Variants in PCDH15 observed in about 807,000 individuals in gnomAD.
PCDH15 encodes the protein protocadherin related 15.
PCDH15 carries 129 observed loss-of-function variants against 178.5 expected under a neutral mutation model. The ratio of observed to expected loss-of-function variants is 0.72; its 90% CI spans 0.63 to 0.84. The LOEUF (loss-of-function observed/expected upper bound fraction) is 0.84. PCDH15 is among the 40% of genes least tolerant of loss of function. The pLI is 0.00. For synonymous variants in PCDH15, 800 were observed against 732.0 expected, an observed-to-expected ratio of 1.09 and a Z score of -1.50; for missense variants, 2,230 against 2,099.9, an observed-to-expected ratio of 1.06 and a Z score of -1.21.
chr10:54,648,691 C>T (rs2094188661), intron 2 of PCDH15, among the ~76,000 whole-genome samples: 1 of 151,992 alleles, frequency 6.6e-6, no homozygotes, highest in Admixed American at 6.6e-5. Context: ...ACCACAAACG[C>T]TAGTTGTTAT....
chr10:54,546,651 A>G (rs913661508), intron 2 of PCDH15, among the ~76,000 whole-genome samples: 43 of 152,296 alleles, frequency 2.8e-4, no homozygotes, highest in African/African-American at 1.0e-3. Flanking sequence ...TAACCTTATC[A>G]CAATATAACG....
At chr10:54,195,560 C>T (rs781409323) in intron 11 of PCDH15, 123 bp downstream of exon 11, 2 of 796,552 alleles carry the variant, frequency 2.5e-6, no homozygotes, top group Admixed American at 2.4e-5. Context: ...AACACTAAAA[C>T]TCACTTACAG....
intron 2 of PCDH15, among the ~76,000 whole-genome samples, chr10:55,463,585 G>A (rs1447223518): frequency 6.6e-6 from 1 of 152,056 alleles, no homozygotes; most frequent in African/African-American, 2.4e-5. Flanking sequence ...CTTGAGTCCA[G>A]TAGGTGCAGG....
intron 21 of PCDH15, among the ~76,000 whole-genome samples, chr10:53,969,793 C>T (rs1053959365): frequency 1.2e-4 from 18 of 152,228 alleles, no homozygotes; most frequent in African/African-American, 3.6e-4. Context: ...AAATCCTTTA[C>T]AGACAAACAA....
chr10:55,173,774 C>A (rs1020231681), intron 1 of PCDH15, among the ~76,000 whole-genome samples: 1 of 152,028 alleles, frequency 6.6e-6, no homozygotes, highest in Non-Finnish European at 1.5e-5. Flanking sequence ...AAAAATGTAT[C>A]ATTTTTCCTT....
intron 13 of PCDH15, among the ~76,000 whole-genome samples, chr10:54,164,985 T>C (rs1429749540): frequency 6.6e-6 from 1 of 152,226 alleles, no homozygotes; most frequent in Non-Finnish European, 1.5e-5. Flanking sequence ...AAACTATCAC[T>C]GGAAATTCAC....
At chr10:54,194,740 C>CTATA (rs60365134) in intron 11 of PCDH15, among the ~76,000 whole-genome samples, 3 of 150,986 alleles carry the variant, frequency 2.0e-5, no homozygotes, top group Admixed American at 6.6e-5. Context: ...ATCTATCTAT[C>CTATA]TATATATATA....
intron 2 of PCDH15, among the ~76,000 whole-genome samples, chr10:55,015,176 C>A (rs571401130): frequency 1.0e-3 from 154 of 151,952 alleles, no homozygotes; most frequent in African/African-American, 3.6e-3. Context: ...TTGCAGTGAG[C>A]CAAGATCCCA....
At chr10:55,622,847 C>G (rs1023577978) in intron 2 of PCDH15, among the ~76,000 whole-genome samples, 1 of 152,008 alleles carries the variant, frequency 6.6e-6, no homozygotes, top group Non-Finnish European at 1.5e-5. Flanking sequence ...CGGGCTGGAC[C>G]GAGGCATTAT....
At chr10:55,413,786 A>G (rs1201793110) in intron 2 of PCDH15, among the ~76,000 whole-genome samples, 2 of 151,630 alleles carry the variant, frequency 1.3e-5, no homozygotes, top group Non-Finnish European at 3.0e-5. Flanking sequence ...CAATTTCTGA[A>G]TACAAGTTAG....
chr10:54,721,880 T>C (rs543852854), intron 1 of PCDH15, among the ~76,000 whole-genome samples: 12 of 151,950 alleles, frequency 7.9e-5, no homozygotes, highest in African/African-American at 2.6e-4. Flanking sequence ...AAAAGTGGTA[T>C]CATCTTGATA....
intron 2 of PCDH15, among the ~76,000 whole-genome samples, chr10:55,476,369 A>G (rs1450611483): frequency 2.0e-5 from 3 of 152,052 alleles, no homozygotes; most frequent in Non-Finnish European, 2.9e-5. Flanking sequence ...AGTCATTTCT[A>G]GAATAGCATC....
intron 2 of PCDH15, among the ~76,000 whole-genome samples, chr10:55,626,082 T>G (rs1264531184): frequency 6.6e-6 from 1 of 151,834 alleles, no homozygotes; most frequent in Non-Finnish European, 1.5e-5. Flanking sequence ...CAAGGGCCAT[T>G]GCACAGAGGG....
intron 2 of PCDH15, among the ~76,000 whole-genome samples, chr10:55,114,394 T>C (rs1202004729): frequency 6.6e-6 from 1 of 152,244 alleles, no homozygotes; most frequent in East Asian, 1.9e-4. Context: ...GGTTACAATA[T>C]ACCTATACTT....
intron 2 of PCDH15, among the ~76,000 whole-genome samples, chr10:54,657,318 C>T (rs921219826): frequency 6.6e-6 from 1 of 152,204 alleles, no homozygotes. Context: ...TCCATTGAAA[C>T]ATTGCCACAG....
At chr10:54,619,791 C>T (rs1266855079) in intron 2 of PCDH15, among the ~76,000 whole-genome samples, 1 of 151,980 alleles carries the variant, frequency 6.6e-6, no homozygotes, top group Non-Finnish European at 1.5e-5. Flanking sequence ...TTTTCTACTT[C>T]CTATTTCTAT....
At chr10:54,075,703 T>C (rs2094330041) in intron 17 of PCDH15, among the ~76,000 whole-genome samples, 1 of 152,218 alleles carries the variant, frequency 6.6e-6, no homozygotes, top group African/African-American at 2.4e-5. Context: ...AGGTCCAACT[T>C]CATTCGTTTG....
Position 53,901,550 on chromosome 10 carries a change from C to T in PCDH15, c.3501+1693G>A, listed in dbSNP as rs528873024. ...ACTGTGTTACCCATTCCCAACATCC[C>T]CCATGCAGCATCTACAATAATCTTT... On this transcript the variant is annotated intron_variant, in intron 26 of 37. Coordinates refer to ENST00000644397, the MANE Select transcript of PCDH15 (RefSeq NM_001384140.1). Among the ~76,000 whole-genome samples the T allele has an allele frequency of 4.6e-5, 7 of 152,270 alleles. No individual in the cohort carries two copies. In the South Asian group the frequency reaches 1.2e-3, roughly 27 times the overall value.
chr10:55,517,136 C>T (rs143665951), intron 2 of PCDH15, among the ~76,000 whole-genome samples: 327 of 151,864 alleles, frequency 2.2e-3, no homozygotes, highest in African/African-American at 7.6e-3. Context: ...AGTAATTTAA[C>T]ATGATTTTAG....
Sources: allele counts gnomAD v4.1 joint callset (sites outside exome capture counted in the v4.1 genomes callset), GRCh38; gene constraint gnomAD v4.1.1; transcripts MANE v1.5; gene names NCBI Gene and HGNC (gene_info 2026-07-23, HGNC 2026-07-21).